The following LPIN1 variants were observed in gnomAD, a reference collection of about 807,000 sequenced individuals.
The protein encoded by LPIN1 is lipin 1.
A neutral mutation model predicts 107.5 loss-of-function variants in LPIN1; 71 were observed. The observed-to-expected ratio is 0.66, with a 90% CI of 0.55 to 0.80. The LOEUF (loss-of-function observed/expected upper bound fraction) is 0.80, where lower values mean the gene tolerates loss of function less well. LPIN1 is among the 30% of genes least tolerant of loss of function. The pLI, the probability that LPIN1 is intolerant of heterozygous loss-of-function variation, is 0.00. For missense variants in LPIN1, 1,043 were observed against 1,160.6 expected (o/e 0.90, Z 1.47); for synonymous variants, 445 against 452.6 (o/e 0.98, Z 0.21).
Position 11,771,301 on chromosome 2 carries a change from C to T in LPIN1, c.289-71C>T. The T allele has an allele frequency of 6.7e-7, 1 of 1,488,212 alleles. No homozygotes were observed. The highest frequency in any genetic ancestry group is 9.4e-7 in the Non-Finnish European group (1 of 1,067,508). The allele number at this position is 1,488,212 out of a possible 1,614,324, so 92.2% of individuals were successfully genotyped here. On this transcript the variant is annotated intron_variant, in intron 3 of 20. Coordinates refer to ENST00000674199, the MANE Select transcript of LPIN1 (RefSeq NM_001349206.2). This position sits in a 1 kb window ranked among gnomAD's most constrained non-coding sequence, Gnocchi z 4.8. The stretch of plus-strand genomic sequence containing the variant: ...TGGCCTCTGAAGTGAATCCTGGAGG[C>T]CTCTGGCAAGGCCCTGCTTCTTATA...
intron 10 of LPIN1, among the ~76,000 whole-genome samples, chr2:11,785,714 G>A (rs144635798): frequency 1.3e-5 from 2 of 152,184 alleles, no homozygotes; most frequent in South Asian, 2.1e-4. Context: ...GGAAGGGGCC[G>A]AGGCTGTGTA....
chr2:11,687,506 G>A (rs1662070203), intron 1 of LPIN1, among the ~76,000 whole-genome samples: 1 of 152,126 alleles, frequency 6.6e-6, no homozygotes, highest in East Asian at 1.9e-4. Context: ...CTTTGTCTCT[G>A]AACTTGGGAA....
chr2:11,818,383 T>A (rs980737318), intron 18 of LPIN1: 3 of 152,282 alleles, frequency 2.0e-5, no homozygotes, highest in Non-Finnish European at 2.9e-5. Context: ...TGTAAAGGTC[T>A]GGCACATCTT....
In LPIN1 at chr2:11,771,716, T is replaced by G; in HGVS notation, c.596+37T>G. 1 of 1,534,780 alleles carries G rather than the reference T, an allele frequency of 6.5e-7. No individual in the cohort carries two copies. The highest frequency in any genetic ancestry group is 8.9e-7 in the Non-Finnish European group (1 of 1,128,520). On this transcript the variant is annotated intron_variant, in intron 4 of 20. Transcript: ENST00000674199. This position sits in a 1 kb window ranked among gnomAD's most constrained non-coding sequence, Gnocchi z 4.8. ...CCAGGGTGGAGGGGCTGTGCCAGAA[T>G]CAGACAGTTAACTGTTCAAGATTAT...
upstream of LPIN1, among the ~76,000 whole-genome samples, chr2:11,742,535 C>A (rs1027640903): frequency 6.6e-6 from 1 of 152,184 alleles, no homozygotes; most frequent in African/African-American, 2.4e-5. Context: ...TGGTGATATG[C>A]GGGGTCTTTT....
chr2:11,811,420 A>T (rs569026536), intron 17 of LPIN1, among the ~76,000 whole-genome samples: 1 of 152,312 alleles, frequency 6.6e-6, no homozygotes, highest in East Asian at 1.9e-4. Flanking sequence ...AGGCTCTTCC[A>T]CCAGCAGCAA....
intron 10 of LPIN1, among the ~76,000 whole-genome samples, chr2:11,785,827 AT>A (rs996824753): frequency 6.6e-6 from 1 of 151,914 alleles, no homozygotes; most frequent in African/African-American, 2.4e-5. Flanking sequence ...GGCTTTGGGA[AT>A]TTTTTCTTCC....
intron 1 of LPIN1, among the ~76,000 whole-genome samples, chr2:11,731,614 G>A (rs1047159511): frequency 1.3e-5 from 2 of 152,178 alleles, no homozygotes; most frequent in African/African-American, 2.4e-5. Context: ...TGGGTCAAAT[G>A]GTATTTCTGG....
intron 1 of LPIN1, among the ~76,000 whole-genome samples, chr2:11,694,586 A>C (rs7594198): frequency 0.13 from 19,873 of 152,114 alleles, 3,851 homozygotes; most frequent in African/African-American, 0.43. Context: ...GCAGCGCTAT[A>C]TCATAATGCA....
chr2:11,703,213 A>G (rs749870661), intron 1 of LPIN1, among the ~76,000 whole-genome samples: 4 of 152,166 alleles, frequency 2.6e-5, no homozygotes, highest in Non-Finnish European at 4.4e-5. Flanking sequence ...CTGACCCACC[A>G]TGGAACTGGT....
intron 13 of LPIN1, among the ~76,000 whole-genome samples, 181 bp from the exon 14 acceptor site, chr2:11,795,227 G>T (rs1676452802): frequency 6.6e-6 from 1 of 152,116 alleles, no homozygotes; most frequent in South Asian, 2.1e-4. Flanking sequence ...GCAAAGTTGA[G>T]ATCAGGACCC....
At chr2:11,752,886 C>T (rs575180094) in intron 1 of LPIN1, among the ~76,000 whole-genome samples, 32 of 152,258 alleles carry the variant, frequency 2.1e-4, no homozygotes, top group Non-Finnish European at 2.2e-4. Flanking sequence ...ATGGATTCTG[C>T]CAATTTTGGA....
rs1672284309 is a variant in LPIN1 at position 11,774,002 on chromosome 2, A to G, written c.722+257A>G. Among the ~76,000 whole-genome samples, 1 of 152,200 alleles carries G rather than the reference A, an allele frequency of 6.6e-6. No homozygotes were observed. Among genetic ancestry groups the G allele is most frequent in the Non-Finnish European group, 1.5e-5 (1 of 68,022 alleles). ...GGTGAACTTGAAAGGAAAAACATGT[A>G]AATTACATCATGCTAATTGTTAATA... On this transcript the variant is annotated intron_variant, in intron 5 of 20. Transcript: ENST00000674199. This position sits in a 1 kb window ranked among gnomAD's most constrained non-coding sequence, Gnocchi z 4.4.
chr2:11,717,078 G>C (rs757274796), intron 2 of LPIN1, among the ~76,000 whole-genome samples: 10 of 152,118 alleles, frequency 6.6e-5, no homozygotes, highest in Non-Finnish European at 1.5e-4. Context: ...ATGTTTTGTC[G>C]GGGGAGGAAG....
chr2:11,746,956 G>T (rs1238966126), intron 1 of LPIN1, among the ~76,000 whole-genome samples: 1 of 152,232 alleles, frequency 6.6e-6, no homozygotes, highest in Admixed American at 6.5e-5. Flanking sequence ...GGCCCGGCTT[G>T]GCTGATCTCG....
At chr2:11,800,555 A>AACC (rs1677525565) in intron 14 of LPIN1, among the ~76,000 whole-genome samples, 1 of 152,090 alleles carries the variant, frequency 6.6e-6, no homozygotes, top group Non-Finnish European at 1.5e-5. Flanking sequence ...TATAGGCAAG[A>AACC]ACCACCACGC....
chr2:11,690,668 T>G (rs1270887812), intron 1 of LPIN1, among the ~76,000 whole-genome samples: 1 of 152,258 alleles, frequency 6.6e-6, no homozygotes, highest in Admixed American at 6.5e-5. Flanking sequence ...TTGCTGTGCC[T>G]GCTGGATGCT....
intron 1 of LPIN1, among the ~76,000 whole-genome samples, chr2:11,695,759 G>A (rs1004793111): frequency 1.3e-5 from 2 of 152,214 alleles, no homozygotes; most frequent in East Asian, 1.9e-4. Context: ...TTGATTTATT[G>A]GCAGTTCAGA....
rs7340376 is a variant in LPIN1 at position 11,824,461 on chromosome 2, A to G, written c.2622-171A>G. On this transcript the variant is annotated intron_variant, in intron 20 of 20. Transcript: ENST00000674199. ...CCTTGTTTGCATACTCTTCATTTTC[A>G]TCTCTCATTTTCAATTAATCGATAA... 0.026 allele frequency among the ~76,000 whole-genome samples: 3,969 copies of G among 151,486 alleles called. 169 individuals carry two copies. The highest frequency in any genetic ancestry group is 0.087 in the African/African-American group (3,567 of 41,182).
Sources: allele counts gnomAD v4.1 joint callset (sites outside exome capture counted in the v4.1 genomes callset), GRCh38; gene constraint gnomAD v4.1.1; non-coding constraint Gnocchi (gnomAD v3.1); transcripts MANE v1.5; gene names NCBI Gene and HGNC (gene_info 2026-07-23, HGNC 2026-07-21).